Variants in GMPS observed in about 807,000 individuals in gnomAD.
GMPS encodes guanosine monophosphate synthase.
Under a neutral mutation model 77.9 loss-of-function variants are expected in GMPS, and 15 were observed. The ratio of observed to expected loss-of-function variants is 0.19; its 90% confidence interval spans 0.13 to 0.30. GMPS has a LOEUF of 0.30. Ranked by LOEUF, GMPS falls within the 10% of genes least tolerant of loss-of-function variation. The pLI, the probability that GMPS is intolerant of heterozygous loss-of-function variation, is 1.00. For missense variants in GMPS, 590 were observed against 838.8 expected (o/e 0.70, Z 3.66); for synonymous variants, 224 against 275.9 (o/e 0.81, Z 1.86).
chr3:155,870,829 C>G lies in GMPS; in HGVS notation c.-42C>G, dbSNP rs759323367. ...CTTCCGGCACCCTCCCGCCCCGTCT[C>G]GTACTGTCGCCGTCACCGCCGCGGC... On this transcript the variant is annotated 5_prime_UTR_variant, in exon 1 of 16. Transcript: ENST00000496455. 1.5e-6 allele frequency: 2 copies of G among 1,366,694 alleles called. No individual in the cohort carries two copies. The highest frequency in any genetic ancestry group is 2.6e-5 in the South Asian group (2 of 78,266). The allele number at this position is 1,366,694 out of a possible 1,614,324, so 84.7% of individuals were successfully genotyped here. A position where few individuals can be genotyped will look rare whatever the true frequency, so the allele number is the denominator to read the frequency against.
intron 5 of GMPS, 34 bp downstream of exon 5, chr3:155,906,297 A>T (rs1754879821): frequency 7.8e-7 from 1 of 1,282,482 alleles, no homozygotes; most frequent in East Asian, 2.3e-5. Context: ...GAGTTCATTT[A>T]AAAAACTTTA....
At chr3:155,925,398 TAC>T in intron 12 of GMPS, 32 bp downstream of exon 12, 2 of 1,513,528 alleles carry the variant, frequency 1.3e-6, no homozygotes, top group Non-Finnish European at 8.9e-7. Flanking sequence ...ACCAGTGATA[TAC>T]TTTTTTTTTT....
Position 155,936,281 on chromosome 3 carries a change from T to C in GMPS, c.1808-57T>C. The C allele has an allele frequency of 7.5e-6, 8 of 1,064,848 alleles. No homozygotes were observed. The South Asian group carries it at 1.0e-4, about 14-fold the overall frequency. 66.0% of individuals were successfully genotyped at this position (1,064,848 alleles called of 1,614,324 possible). ...ATTGCCTGGGAGGATTTAATTGAACTGAGTTAGAGTGCTTTTCTATGGTGT... is the reference window on the plus strand; with the variant it reads ...ATTGCCTGGGAGGATTTAATTGAACCGAGTTAGAGTGCTTTTCTATGGTGT... On this transcript the variant is annotated intron_variant, in intron 14 of 15. Transcript: ENST00000496455.
intron 5 of GMPS, among the ~76,000 whole-genome samples, chr3:155,907,343 G>T (rs942647554): frequency 7.9e-5 from 12 of 152,262 alleles, no homozygotes; most frequent in African/African-American, 2.6e-4. Context: ...CCAGCACCTT[G>T]GGAGACTGGA....
intron 13 of GMPS, among the ~76,000 whole-genome samples, chr3:155,934,026 A>G (rs1437470133): frequency 1.3e-5 from 2 of 152,188 alleles, no homozygotes; most frequent in African/African-American, 2.4e-5. Context: ...GTCCTATTTC[A>G]ATGGCCTTTT....
At chr3:155,899,300 G>A (rs528456376) in intron 3 of GMPS, among the ~76,000 whole-genome samples, 5 of 152,098 alleles carry the variant, frequency 3.3e-5, no homozygotes, top group Admixed American at 6.5e-5. Context: ...CCTGGGAGGC[G>A]GAGGTTGCGG....
In GMPS at chr3:155,942,585, T is replaced by C. The variant is rs1020770100; in HGVS notation, c.*4893T>C. On this transcript the variant is annotated 3_prime_UTR_variant, in exon 16 of 16. Coordinates refer to ENST00000496455, the MANE Select transcript of GMPS (RefSeq NM_003875.3). Reference sequence around the variant, plus strand: ...ACCAGATTCTGGAACTGATTGCACCTATATTATGTTGTGTGTCAGACACTC... The same window carrying C: ...ACCAGATTCTGGAACTGATTGCACCCATATTATGTTGTGTGTCAGACACTC... 8 of 228,688 alleles carry C rather than the reference T, an allele frequency of 3.5e-5. No individual in the cohort carries two copies. In the Admixed American group the frequency reaches 4.5e-4, roughly 13 times the overall value. The allele number at this position is 228,688 out of a possible 1,614,324, so 14.2% of individuals were successfully genotyped here.
chr3:155,930,812 A>AT (rs1028295188), intron 12 of GMPS, among the ~76,000 whole-genome samples: 2 of 151,840 alleles, frequency 1.3e-5, no homozygotes, highest in African/African-American at 4.8e-5. Flanking sequence ...CCAAATTATA[A>AT]TTTTTCATAA....
intron 10 of GMPS, 34 bp from the exon 11 acceptor site, chr3:155,922,153 T>C (rs994525424): frequency 2.3e-5 from 18 of 782,622 alleles, no homozygotes; most frequent in African/African-American, 3.7e-5. Flanking sequence ...AATATAACAT[T>C]AATGTTAAAT....
At chr3:155,910,317 C>T (rs1182360161) in intron 5 of GMPS, among the ~76,000 whole-genome samples, 2 of 152,022 alleles carry the variant, frequency 1.3e-5, no homozygotes, top group South Asian at 2.1e-4. Context: ...GCCTGTAATC[C>T]TAGCACTTTG....
intron 1 of GMPS, among the ~76,000 whole-genome samples, chr3:155,885,158 C>T (rs1375343911): frequency 1.3e-5 from 2 of 152,168 alleles, no homozygotes; most frequent in African/African-American, 4.8e-5. Flanking sequence ...AGAGTTTTTT[C>T]AATGTATGAA....
At position 155,870,846 on chromosome 3, in the gene GMPS, C is replaced by T. The variant is rs1435473591; in HGVS notation, c.-25C>T. ...CCCCGTCTCGTACTGTCGCCGTCAC[C>T]GCCGCGGCTCCGGCCCTGGCCCCGA... On this transcript the variant is annotated 5_prime_UTR_variant, in exon 1 of 16. Transcript: ENST00000496455. 33 of 1,484,834 alleles carry T rather than the reference C, an allele frequency of 2.2e-5. No homozygotes were observed. The highest frequency in any genetic ancestry group is 2.9e-5 in the Non-Finnish European group (32 of 1,113,532). The allele number at this position is 1,484,834 out of a possible 1,614,324, so 92.0% of individuals were successfully genotyped here. A position where few individuals can be genotyped will look rare whatever the true frequency, so the allele number is the denominator to read the frequency against.
At chr3:155,895,800 G>A (rs780500922) in intron 2 of GMPS, among the ~76,000 whole-genome samples, 4 of 152,072 alleles carry the variant, frequency 2.6e-5, no homozygotes, top group African/African-American at 9.7e-5. Context: ...TACTACTTGA[G>A]TTTTATCCTT....
At chr3:155,882,480 G>A (rs554945377) in intron 1 of GMPS, among the ~76,000 whole-genome samples, 7 of 152,176 alleles carry the variant, frequency 4.6e-5, no homozygotes, top group Admixed American at 1.3e-4. Context: ...CAGCTTATCC[G>A]TCATTATCAG....
intron 1 of GMPS, among the ~76,000 whole-genome samples, chr3:155,892,181 T>C (rs990467642): frequency 6.6e-6 from 1 of 152,078 alleles, no homozygotes; most frequent in African/African-American, 2.4e-5. Context: ...ACTTCATCAC[T>C]CTTAATATTT....
At chr3:155,910,413 C>CA (rs1405298778) in intron 5 of GMPS, among the ~76,000 whole-genome samples, 3 of 150,456 alleles carry the variant, frequency 2.0e-5, no homozygotes, top group Non-Finnish European at 4.4e-5. Flanking sequence ...ACTAGAAATA[C>CA]AAAAAATCAG....
intron 1 of GMPS, 145 bp downstream of exon 1, chr3:155,871,042 T>G: frequency 3.1e-6 from 2 of 652,220 alleles, no homozygotes; most frequent in Non-Finnish European, 4.6e-6. Flanking sequence ...CGTCGTAGAG[T>G]CCCTGGTCGG....
rs899118685 is a variant in GMPS, at chr3:155,884,396, A to G, written c.28-9122A>G. Among the ~76,000 whole-genome samples, 15 of 152,026 alleles carry G rather than the reference A, an allele frequency of 9.9e-5. No homozygotes were observed. The East Asian group carries it at 2.5e-3, about 25-fold the overall frequency. On this transcript the variant is annotated intron_variant, in intron 1 of 15. Coordinates refer to ENST00000496455, the MANE Select transcript of GMPS (RefSeq NM_003875.3). ...GCGAGACTCTGCCTCCAGAAAAAAA[A>G]AAAAAAGAAAAAAAAATCACGAGGC...
At position 155,870,986 on chromosome 3, in the gene GMPS, C is replaced by A. The variant is rs1037528142; in HGVS notation, c.27+89C>A. 1.2e-5 allele frequency: 15 copies of A among 1,228,750 alleles called. No individual in the cohort carries two copies. The African/African-American group carries it at 2.1e-4, about 17-fold the overall frequency. The allele number at this position is 1,228,750 out of a possible 1,614,324, so 76.1% of individuals were successfully genotyped here. ...CACCCCGCGAGGCCCTTCCCCACCCCCTTCCCCCAGCCCGTCCGCGCAGCC... is the reference window on the plus strand; with the variant it reads ...CACCCCGCGAGGCCCTTCCCCACCCACTTCCCCCAGCCCGTCCGCGCAGCC... On this transcript the variant is annotated intron_variant, in intron 1 of 15. Transcript: ENST00000496455.
Sources: gnomAD v4.1 joint callset for allele counts (sites outside exome capture counted in the v4.1 genomes callset) on GRCh38, gnomAD v4.1.1 for gene constraint, MANE v1.5 for transcripts, NCBI Gene and HGNC (gene_info 2026-07-23, HGNC 2026-07-21) for gene names.